Variants in SPOCK1 observed in about 807,000 individuals in gnomAD.
SPOCK1 encodes the protein SPARC (osteonectin), cwcv and kazal like domains proteoglycan 1.
A neutral mutation model predicts 55.3 loss-of-function variants in SPOCK1; 23 were observed. That is an observed-to-expected ratio of 0.42 (90% CI 0.30 to 0.59). SPOCK1 has a LOEUF of 0.59. Ranked by LOEUF, SPOCK1 falls within the 20% of genes least tolerant of loss-of-function variation. The probability of loss-of-function intolerance (pLI) is 0.22; values close to 1 mark genes in which losing one functional copy is unlikely to be tolerated. For missense variants in SPOCK1, 499 were observed against 552.5 expected (o/e 0.90, Z 0.97); for synonymous variants, 226 against 221.0 (o/e 1.02, Z -0.20).
chr5:137,222,270 G>C (rs895813196), intron 3 of SPOCK1, among the ~76,000 whole-genome samples: 1 of 151,248 alleles, frequency 6.6e-6, no homozygotes, highest in Admixed American at 6.6e-5. Flanking sequence ...CAGAGTAGGT[G>C]GGGGGAACCT....
At chr5:137,164,446 C>T (rs1385991962) in intron 3 of SPOCK1, among the ~76,000 whole-genome samples, 2 of 152,156 alleles carry the variant, frequency 1.3e-5, no homozygotes, top group Admixed American at 1.3e-4. Context: ...CAGTGATAGC[C>T]AGGTAGCTCA....
chr5:137,368,628 C>T (rs969582754), intron 2 of SPOCK1, among the ~76,000 whole-genome samples: 1 of 152,186 alleles, frequency 6.6e-6, no homozygotes, highest in Non-Finnish European at 1.5e-5. Flanking sequence ...GAAACCTATC[C>T]TGGATCCAGG....
intron 6 of SPOCK1, among the ~76,000 whole-genome samples, chr5:137,044,597 G>A (rs1241282747): frequency 6.6e-6 from 1 of 152,048 alleles, no homozygotes; most frequent in African/African-American, 2.4e-5. Flanking sequence ...CATACATAAG[G>A]TACAGAGTGT....
rs552855189 is a variant in SPOCK1, at chr5:137,279,702, G to A, written c.187-12647C>T. ...TCTGTAGCTACTGCAGCTGGCTGCC[G>A]GAGATAATGCATATGACAATTACAA... On this transcript the variant is annotated intron_variant, in intron 2 of 10. Transcript: ENST00000394945. Among the ~76,000 whole-genome samples, 14 of 152,270 alleles carry A rather than the reference G, an allele frequency of 9.2e-5. No individual in the cohort carries two copies. The South Asian group carries it at 1.2e-3, about 14-fold the overall frequency.
chr5:137,463,170 C>T (rs1281063953), intron 2 of SPOCK1, among the ~76,000 whole-genome samples: 1 of 152,204 alleles, frequency 6.6e-6, no homozygotes, highest in Non-Finnish European at 1.5e-5. Flanking sequence ...ATGTGCTCCA[C>T]TACTGGGTAT....
chr5:137,236,050 G>A (rs1024716576), intron 3 of SPOCK1, among the ~76,000 whole-genome samples: 4 of 152,218 alleles, frequency 2.6e-5, no homozygotes, highest in Non-Finnish European at 5.9e-5. Flanking sequence ...TGGGGCTTCT[G>A]TAGGGCTTAG....
At chr5:137,213,621 T>A (rs1755659024) in intron 3 of SPOCK1, among the ~76,000 whole-genome samples, 1 of 152,242 alleles carries the variant, frequency 6.6e-6, no homozygotes, top group African/African-American at 2.4e-5. Context: ...GTTCTAGTAC[T>A]GTCTTCACCA....
intron 2 of SPOCK1, among the ~76,000 whole-genome samples, chr5:137,334,071 G>A (rs1750185921): frequency 6.6e-6 from 1 of 152,148 alleles, no homozygotes; most frequent in Non-Finnish European, 1.5e-5. Flanking sequence ...CTCTGCCAAT[G>A]GAGGCATTCC....
chr5:137,329,579 G>T (rs534878093), intron 2 of SPOCK1, among the ~76,000 whole-genome samples: 1 of 152,240 alleles, frequency 6.6e-6, no homozygotes, highest in East Asian at 1.9e-4. Context: ...TTAGAGGAAT[G>T]TCCAACCTAA....
chr5:137,430,950 G>C (rs908308745), intron 2 of SPOCK1, among the ~76,000 whole-genome samples: 8 of 152,174 alleles, frequency 5.3e-5, no homozygotes, highest in Admixed American at 4.6e-4. Flanking sequence ...TCTGTTCAGA[G>C]GCTTCTATGA....
At chr5:137,019,208 A>G (rs1400575154) in intron 6 of SPOCK1, among the ~76,000 whole-genome samples, 1 of 152,198 alleles carries the variant, frequency 6.6e-6, no homozygotes, top group Non-Finnish European at 1.5e-5. Context: ...GTTTCTAATT[A>G]TAAATGCTAT....
chr5:137,031,962 C>T (rs1751788357), intron 6 of SPOCK1, among the ~76,000 whole-genome samples: 1 of 148,774 alleles, frequency 6.7e-6, no homozygotes. Flanking sequence ...TATATATATG[C>T]ATGTGTGTGT....
intron 5 of SPOCK1, among the ~76,000 whole-genome samples, chr5:137,104,629 G>A (rs942774730): frequency 7.9e-5 from 12 of 152,190 alleles, no homozygotes; most frequent in East Asian, 3.9e-4. Flanking sequence ...TCACATCAGC[G>A]GTGGCATTAG....
intron 2 of SPOCK1, among the ~76,000 whole-genome samples, chr5:137,286,104 A>G (rs1159528970): frequency 6.6e-6 from 1 of 152,134 alleles, no homozygotes; most frequent in East Asian, 1.9e-4. Flanking sequence ...TGCTGTTTTT[A>G]CCATTTTAAA....
chr5:137,093,864 G>A (rs775030055), intron 5 of SPOCK1, among the ~76,000 whole-genome samples: 6 of 152,304 alleles, frequency 3.9e-5, no homozygotes, highest in Admixed American at 3.3e-4. Flanking sequence ...AGAACCTGGG[G>A]GAGCAGGGTG....
At chr5:137,238,130 G>A (rs1425268504) in intron 3 of SPOCK1, among the ~76,000 whole-genome samples, 2 of 152,168 alleles carry the variant, frequency 1.3e-5, no homozygotes, top group South Asian at 2.1e-4. Context: ...CAGGGCTGTA[G>A]AGAGAATTAA....
chr5:137,124,474 G>A (rs1333838410), intron 4 of SPOCK1, among the ~76,000 whole-genome samples: 3 of 152,208 alleles, frequency 2.0e-5, no homozygotes, highest in African/African-American at 7.2e-5. Context: ...GGACCAAGGG[G>A]AGAGGAATCA....
chr5:137,023,237 A>G (rs770943249), intron 6 of SPOCK1, among the ~76,000 whole-genome samples: 13 of 152,198 alleles, frequency 8.5e-5, no homozygotes, highest in Non-Finnish European at 1.0e-4. Flanking sequence ...TAGAACTTTG[A>G]TATATAGTAA....
At chr5:137,282,039 C>T (rs1365424320) in intron 2 of SPOCK1, among the ~76,000 whole-genome samples, 2 of 152,202 alleles carry the variant, frequency 1.3e-5, no homozygotes, top group African/African-American at 4.8e-5. Flanking sequence ...TCAGTTTCCT[C>T]ATCTGAAAAT....
Sources: allele counts gnomAD v4.1 joint callset (sites outside exome capture counted in the v4.1 genomes callset), GRCh38; gene constraint gnomAD v4.1.1; transcripts MANE v1.5; gene names NCBI Gene and HGNC (gene_info 2026-07-23, HGNC 2026-07-21).